LRRK2: variants seen among roughly 807,000 people sequenced by gnomAD.
LRRK2 encodes the protein leucine rich repeat kinase 2.
Under a neutral mutation model 302.6 loss-of-function variants are expected in LRRK2, and 203 were observed. That is an observed-to-expected ratio of 0.67 (90% CI 0.60 to 0.75). LRRK2 has a LOEUF of 0.75. LRRK2 is among the 30% of genes least tolerant of loss of function. The pLI is 0.00. For missense variants in LRRK2, 2,830 were observed against 2,951.0 expected (o/e 0.96, Z 0.95); for synonymous variants, 1,066 against 1,031.9 (o/e 1.03, Z -0.63).
chr12:40,310,414 T>C lies in LRRK2; in HGVS notation c.4318-17T>C. ...TTTGAAAGCAAACACAAGAGGGTTT[T>C]GTGTCTTTCCCTCCAGGCTCGCGCT... On this transcript the variant is annotated splice_polypyrimidine_tract_variant and intron_variant, in intron 30 of 50. Coordinates refer to ENST00000298910, the MANE Select transcript of LRRK2 (RefSeq NM_198578.4). 1 of 1,612,568 alleles carries C rather than the reference T, an allele frequency of 6.2e-7. No individual in the cohort carries two copies. The highest frequency in any genetic ancestry group is 8.5e-7 in the Non-Finnish European group (1 of 1,179,328).
chr12:40,328,491 A>G, intron 39 of LRRK2, 31 bp downstream of exon 39: 1 of 1,449,964 alleles, frequency 6.9e-7, no homozygotes, highest in Non-Finnish European at 9.6e-7. Flanking sequence ...ATTATATTAA[A>G]TTGCACATTA....
intron 20 of LRRK2, among the ~76,000 whole-genome samples, chr12:40,291,416 C>T (rs1944151744): frequency 7.2e-6 from 1 of 138,376 alleles, no homozygotes; most frequent in African/African-American, 2.7e-5. Flanking sequence ...TACCCTAGAA[C>T]TTAAAGTATA....
intron 40 of LRRK2, among the ~76,000 whole-genome samples, chr12:40,340,070 T>C (rs1417783980): frequency 6.6e-6 from 1 of 152,242 alleles, no homozygotes; most frequent in Non-Finnish European, 1.5e-5. Context: ...ATTGAAATCA[T>C]TCACTTATCA....
At chr12:40,258,198 C>G (rs1213957338) in intron 12 of LRRK2, among the ~76,000 whole-genome samples, 1 of 152,094 alleles carries the variant, frequency 6.6e-6, no homozygotes, top group Non-Finnish European at 1.5e-5. Flanking sequence ...TTTAAGCACT[C>G]AACAAATTGT....
At chr12:40,281,065 CT>C (rs1943673971) in intron 18 of LRRK2, among the ~76,000 whole-genome samples, 1 of 93,062 alleles carries the variant, frequency 1.1e-5, no homozygotes, top group Non-Finnish European at 2.3e-5. Context: ...GAGACTCCGT[CT>C]CAAAAAAAAA....
intron 2 of LRRK2, among the ~76,000 whole-genome samples, chr12:40,226,707 C>T (rs1228821291): frequency 1.3e-5 from 2 of 152,158 alleles, no homozygotes; most frequent in Non-Finnish European, 2.9e-5. Flanking sequence ...TCAAACCAAA[C>T]CAAGAAAAGA....
rs537410738 is a variant in LRRK2, at chr12:40,357,913, C to A, written c.6844-1347C>A. On this transcript the variant is annotated intron_variant, in intron 46 of 50. Transcript: ENST00000298910. ...TCAGCTTCACGAGTAGCTGGGACTACAGGCGTGTGCTACCATACCTGGCTG... is the reference window on the plus strand; with the variant it reads ...TCAGCTTCACGAGTAGCTGGGACTAAAGGCGTGTGCTACCATACCTGGCTG... Among the ~76,000 whole-genome samples, 8 of 142,822 alleles carry A rather than the reference C, an allele frequency of 5.6e-5. No individual in the cohort carries two copies. The South Asian group carries it at 6.2e-4, about 11-fold the overall frequency. 93.7% of individuals were successfully genotyped at this position (142,822 alleles called of 152,430 possible).
In LRRK2 at chr12:40,368,362, A is replaced by G. The variant is rs1345653319; in HGVS notation, c.*597A>G. On this transcript the variant is annotated 3_prime_UTR_variant, in exon 51 of 51. Transcript: ENST00000298910. Reference sequence around the variant, plus strand: ...ACACAACTTCACTCAATTCAAAAGAAAACTCCATTAAAAGTACTAATGAAA... The same window carrying G: ...ACACAACTTCACTCAATTCAAAAGAGAACTCCATTAAAAGTACTAATGAAA... 1 of 151,906 alleles carries G rather than the reference A, an allele frequency of 6.6e-6. No homozygotes were observed. The highest frequency in any genetic ancestry group is 1.9e-4 in the East Asian group (1 of 5,308). 9.4% of individuals were successfully genotyped at this position (151,906 alleles called of 1,614,324 possible).
At chr12:40,244,755 G>T in intron 7 of LRRK2, among the ~76,000 whole-genome samples, 1 of 117,864 alleles carries the variant, frequency 8.5e-6, no homozygotes. Flanking sequence ...AGGGGGGAGG[G>T]ATAGCATTGG....
At chr12:40,287,671 A>G (rs1233519973) in intron 20 of LRRK2, 132 bp downstream of exon 20, 4 of 871,726 alleles carry the variant, frequency 4.6e-6, no homozygotes, top group Non-Finnish European at 7.1e-6. Flanking sequence ...TATCGCAAAC[A>G]GTTAAGTTTA....
At chr12:40,273,282 A>T (rs921205020) in intron 14 of LRRK2, among the ~76,000 whole-genome samples, 4 of 152,164 alleles carry the variant, frequency 2.6e-5, no homozygotes, top group African/African-American at 9.7e-5. Context: ...ATTTGAACCT[A>T]AATTTAATTG....
intron 19 of LRRK2, chr12:40,286,257 G>C: frequency 6.6e-6 from 1 of 151,994 alleles, no homozygotes; most frequent in East Asian, 1.9e-4. Flanking sequence ...TTTTCAGGTA[G>C]TATTTGCCTA....
intron 39 of LRRK2, among the ~76,000 whole-genome samples, chr12:40,333,817 G>C (rs903175773): frequency 2.0e-5 from 3 of 152,076 alleles, no homozygotes; most frequent in African/African-American, 7.2e-5. Context: ...AGGGTGGAGG[G>C]ATTTCTAGGG....
chr12:40,337,359 C>T (rs779902441), intron 40 of LRRK2, among the ~76,000 whole-genome samples: 1 of 152,182 alleles, frequency 6.6e-6, no homozygotes, highest in Non-Finnish European at 1.5e-5. Flanking sequence ...TTCGTTTGAA[C>T]TCTTTATCAT....
At position 40,249,880 on chromosome 12, in the gene LRRK2, C is replaced by T. The variant is rs281865059; in HGVS notation, c.893C>T (p.Ala298Val). Residue 298 changes from alanine (A) to valine (V), a missense_variant, in exon 8 of 51, where the codon GCT becomes GTT. Transcript: ENST00000298910. ...LNEVHEFVVK[A>V]VQQYPENAAL... is the part of the protein sequence containing the mutation. Reference sequence around the variant, plus strand: ...GAAGTCCATGAGTTTGTGGTGAAAGCTGTGCAGCAGTACCCAGAGAATGCA... The same window carrying T: ...GAAGTCCATGAGTTTGTGGTGAAAGTTGTGCAGCAGTACCCAGAGAATGCA... The T allele has an allele frequency of 6.2e-7, 1 of 1,613,866 alleles. No homozygotes were observed.
At position 40,341,881 on chromosome 12, in the gene LRRK2, G is replaced by A. The variant is rs375951090; in HGVS notation, c.6109+1427G>A. ...TTAAAAAAGTCAAAACAAAACAACA[G>A]AGCCATGAATAGCAAATATTGTCAA... is the stretch of plus-strand genomic sequence containing the variant. On this transcript the variant is annotated intron_variant, in intron 41 of 50. Transcript: ENST00000298910. Among the ~76,000 whole-genome samples, 8 of 152,192 alleles carry A rather than the reference G, an allele frequency of 5.3e-5. No individual in the cohort carries two copies. In the East Asian group the frequency reaches 1.4e-3, roughly 26 times the overall value.
chr12:40,321,970 G>T, intron 35 of LRRK2, 65 bp from the exon 36 acceptor site: 2 of 1,496,500 alleles, frequency 1.3e-6, no homozygotes, highest in Middle Eastern at 1.7e-4. Flanking sequence ...CACTTGTGTT[G>T]TGTGCAGTAG....
intron 44 of LRRK2, among the ~76,000 whole-genome samples, chr12:40,353,750 G>C (rs1319753936): frequency 6.6e-6 from 1 of 152,264 alleles, no homozygotes. Flanking sequence ...GGGAGGCCGA[G>C]GCTGGCAGAT....
rs984416361 is a variant in LRRK2, at chr12:40,367,814, G to A, written c.*49G>A. 6.4e-6 allele frequency: 10 copies of A among 1,554,280 alleles called. No individual in the cohort carries two copies. The African/African-American group carries it at 8.2e-5, about 13-fold the overall frequency. On this transcript the variant is annotated 3_prime_UTR_variant, in exon 51 of 51. Coordinates refer to ENST00000298910, the MANE Select transcript of LRRK2 (RefSeq NM_198578.4). ...GATAGGAAAATTATTCTCTCCTCTT[G>A]TAAATATTTATTTTAAAAATGTTCA...
Sources: gnomAD v4.1 joint callset for allele counts (sites outside exome capture counted in the v4.1 genomes callset) on GRCh38, gnomAD v4.1.1 for gene constraint, MANE v1.5 for transcripts, NCBI Gene and HGNC (gene_info 2026-07-23, HGNC 2026-07-21) for gene names.